Variants in CSMD1 observed in about 807,000 individuals in gnomAD.
The protein encoded by CSMD1 is CUB and Sushi multiple domains 1.
Under a neutral mutation model 417.5 loss-of-function variants are expected in CSMD1, and 213 were observed. The observed-to-expected ratio is 0.51, with a 90% CI of 0.46 to 0.57. The LOEUF is 0.57. Among genes scored for constraint, CSMD1 ranks in the 20% least tolerant of loss-of-function variants. CSMD1 has a pLI of 0.00. For synonymous variants in CSMD1, 2,862 were observed against 1,736.8 expected (o/e 1.65, Z -16.11); for missense variants, 6,923 against 4,529.7 (o/e 1.53, Z -15.17).
rs187802146 is a variant in CSMD1 at position 3,490,002 on chromosome 8, A to T, written c.1448+3621T>A. Among the ~76,000 whole-genome samples the T allele has an allele frequency of 8.5e-5, 13 of 152,362 alleles. No individual in the cohort carries two copies. In the East Asian group the frequency reaches 2.3e-3, roughly 27 times the overall value. ...CAGTCTATCTGTCATTTCTCCAATT[A>T]GATGATAGACTCCATGCTGGGAAGA... is the stretch of plus-strand genomic sequence containing the variant. On this transcript the variant is annotated intron_variant, in intron 11 of 69. Transcript: ENST00000635120.
At chr8:4,335,296 T>G (rs969598493) in intron 3 of CSMD1, among the ~76,000 whole-genome samples, 1 of 152,110 alleles carries the variant, frequency 6.6e-6, no homozygotes, top group Non-Finnish European at 1.5e-5. Flanking sequence ...CCTACTACCA[T>G]AACCGGGAGG....
At chr8:3,290,015 G>A in intron 25 of CSMD1, among the ~76,000 whole-genome samples, 1 of 147,312 alleles carries the variant, frequency 6.8e-6, no homozygotes, top group Admixed American at 6.7e-5. Flanking sequence ...AAGGTGTAAG[G>A]AAGGGATCCA....
intron 1 of CSMD1, among the ~76,000 whole-genome samples, chr8:4,898,240 G>A (rs1277207993): frequency 1.3e-5 from 2 of 152,106 alleles, no homozygotes; most frequent in South Asian, 2.1e-4. Flanking sequence ...GAGAGCATCG[G>A]GGTGCTTAGA....
chr8:3,551,393 G>A (rs994702933), intron 10 of CSMD1, among the ~76,000 whole-genome samples: 1 of 151,986 alleles, frequency 6.6e-6, no homozygotes, highest in African/African-American at 2.4e-5. Flanking sequence ...GATGCAGGGG[G>A]TAAATGCTTT....
rs141433336 is a variant in CSMD1, at chr8:4,604,545, G to A, written c.302+32797C>T. ...TCAAAATAGCTATCAATAAATGAACGCTTTTATTTTTTTCTAAATCTCTAA... is the reference window on the plus strand; with the variant it reads ...TCAAAATAGCTATCAATAAATGAACACTTTTATTTTTTTCTAAATCTCTAA... On this transcript the variant is annotated intron_variant, in intron 2 of 69. Transcript: ENST00000635120. Among the ~76,000 whole-genome samples, 5 of 152,010 alleles carry A rather than the reference G, an allele frequency of 3.3e-5. No homozygotes were observed. In the East Asian group the frequency reaches 7.7e-4, roughly 24 times the overall value.
rs583087 is a variant in CSMD1, at chr8:2,938,313, T to C, written c.*272A>G. 0.9 allele frequency: 340,067 copies of C among 377,378 alleles called. 153,574 individuals carry two copies. Among genetic ancestry groups the C allele is most frequent in the East Asian group, 0.94 (22,353 of 23,710 alleles). 23.4% of individuals were successfully genotyped at this position (377,378 alleles called of 1,614,324 possible). A position where few individuals can be genotyped will look rare whatever the true frequency, so the allele number is the denominator to read the frequency against. On this transcript the variant is annotated 3_prime_UTR_variant, in exon 70 of 70. Coordinates refer to ENST00000635120, the MANE Select transcript of CSMD1 (RefSeq NM_033225.6). ...TTGAGTATGACGTGTTGGCGCGACG[T>C]GGCAGTCTTCCTGGAGTGTGCCTTG...
At chr8:3,289,453 G>A (rs992514264) in intron 25 of CSMD1, among the ~76,000 whole-genome samples, 1 of 147,488 alleles carries the variant, frequency 6.8e-6, no homozygotes, top group Non-Finnish European at 1.5e-5. Context: ...CAGTGTAAAA[G>A]TGTTCCTATT....
chr8:4,418,161 C>G (rs1223159049), intron 3 of CSMD1, among the ~76,000 whole-genome samples: 1 of 151,932 alleles, frequency 6.6e-6, no homozygotes, highest in Non-Finnish European at 1.5e-5. Flanking sequence ...GGTTTGTCTT[C>G]ACTTGTCAAC....
Position 3,669,562 on chromosome 8 carries a change from G to T in CSMD1, c.1009+38852C>A, listed in dbSNP as rs185471949. ...GAAACCTCAGGTTTTCAGAAGGAGG[G>T]GAATGTAGCCTGAATGAGACTCTTC... On this transcript the variant is annotated intron_variant, in intron 7 of 69. Transcript: ENST00000635120. 7.2e-3 allele frequency among the ~76,000 whole-genome samples: 1,090 copies of T among 152,288 alleles called. 5 individuals carry two copies. The highest frequency in any genetic ancestry group is 0.012 in the Non-Finnish European group (817 of 68,034).
intron 3 of CSMD1, among the ~76,000 whole-genome samples, chr8:4,109,142 G>A (rs975659503): frequency 2.0e-5 from 3 of 152,018 alleles, no homozygotes; most frequent in Non-Finnish European, 4.4e-5. Flanking sequence ...CTAATACAAT[G>A]TAAATGCTAT....
chr8:4,666,528 T>A (rs547887133), intron 1 of CSMD1, among the ~76,000 whole-genome samples: 1 of 152,194 alleles, frequency 6.6e-6, no homozygotes, highest in Non-Finnish European at 1.5e-5. Flanking sequence ...AGAATCCTGA[T>A]AATACTTTGA....
chr8:4,392,041 G>C (rs894783867), intron 3 of CSMD1, among the ~76,000 whole-genome samples: 3 of 152,158 alleles, frequency 2.0e-5, no homozygotes, highest in African/African-American at 7.2e-5. Flanking sequence ...CCAGGGTTTT[G>C]GGGGCAATGC....
At chr8:3,472,833 T>C (rs1258181723) in intron 11 of CSMD1, among the ~76,000 whole-genome samples, 2 of 139,576 alleles carry the variant, frequency 1.4e-5, no homozygotes, top group East Asian at 5.8e-4. Context: ...ATCTCCTAAG[T>C]TTTTTTTTTA....
chr8:4,850,080 G>T (rs1033169232), intron 1 of CSMD1, among the ~76,000 whole-genome samples: 1 of 152,176 alleles, frequency 6.6e-6, no homozygotes, highest in Non-Finnish European at 1.5e-5. Flanking sequence ...CCTGGTGGGT[G>T]TGAAGTAGGA....
chr8:4,549,776 A>C (rs569477097), intron 2 of CSMD1, among the ~76,000 whole-genome samples: 3 of 151,726 alleles, frequency 2.0e-5, no homozygotes, highest in Non-Finnish European at 4.4e-5. Flanking sequence ...TGACACTTGT[A>C]ATCCTAGCTA....
chr8:4,794,373 C>G (rs1450563781), intron 1 of CSMD1, among the ~76,000 whole-genome samples: 2 of 152,136 alleles, frequency 1.3e-5, no homozygotes, highest in East Asian at 1.9e-4. Context: ...GATTTCTTTT[C>G]TAACATCCCC....
intron 7 of CSMD1, among the ~76,000 whole-genome samples, chr8:3,676,434 G>A (rs1012945353): frequency 6.6e-6 from 1 of 152,094 alleles, no homozygotes; most frequent in Non-Finnish European, 1.5e-5. Context: ...CCCGATAAAT[G>A]CTAACATTAG....
At chr8:3,197,208 G>A (rs1296429791) in intron 33 of CSMD1, among the ~76,000 whole-genome samples, 1 of 152,068 alleles carries the variant, frequency 6.6e-6, no homozygotes, top group Non-Finnish European at 1.5e-5. Flanking sequence ...CAGAAGGCTA[G>A]AGACCATGAT....
chr8:3,482,784 C>T (rs1817821547), intron 11 of CSMD1, among the ~76,000 whole-genome samples: 2 of 152,228 alleles, frequency 1.3e-5, no homozygotes, highest in Middle Eastern at 3.4e-3. Flanking sequence ...AATTTGTTCT[C>T]TGATCACAAA....
Sources: allele counts gnomAD v4.1 joint callset (sites outside exome capture counted in the v4.1 genomes callset), GRCh38; gene constraint gnomAD v4.1.1; transcripts MANE v1.5; gene names NCBI Gene and HGNC (gene_info 2026-07-23, HGNC 2026-07-21).